The following ARHGAP5 variants were observed in gnomAD, a reference collection of about 807,000 sequenced individuals.
ARHGAP5 encodes the protein Rho GTPase activating protein 5.
ARHGAP5 carries 23 observed loss-of-function variants against 116.6 expected under a neutral mutation model. The observed-to-expected ratio is 0.20, with a 90% CI of 0.14 to 0.28. The LOEUF (loss-of-function observed/expected upper bound fraction) is 0.28. Ranked by LOEUF, ARHGAP5 falls within the 10% of genes least tolerant of loss-of-function variation. The pLI, the probability that ARHGAP5 is intolerant of heterozygous loss-of-function variation, is 1.00. For missense variants in ARHGAP5, 1,405 were observed against 1,774.8 expected, an observed-to-expected ratio of 0.79 and a Z score of 3.74; for synonymous variants, 574 against 602.0, an observed-to-expected ratio of 0.95 and a Z score of 0.68.
rs1461219040 is a variant in ARHGAP5, at chr14:32,159,533, T to C, written c.*4585T>C. ...CATCCAGATTAGTTTTAAGTGTGTA[T>C]ATGTATTTGCTCACCAGATCATTTT... On this transcript the variant is annotated 3_prime_UTR_variant, in exon 7 of 7. Transcript: ENST00000345122. The C allele has an allele frequency of 1.3e-5, 2 of 152,170 alleles. No homozygotes were observed. Among genetic ancestry groups the C allele is most frequent in the African/African-American group, 2.4e-5 (1 of 41,446 alleles). The allele number at this position is 152,170 out of a possible 1,614,324, so 9.4% of individuals were successfully genotyped here.
chr14:32,092,985 C>T lies in ARHGAP5; in HGVS notation c.2316C>T (p.Asp772=). The T allele has an allele frequency of 6.2e-7, 1 of 1,614,034 alleles. No homozygotes were observed. The highest frequency in any genetic ancestry group is 1.3e-5 in the African/African-American group (1 of 75,022). Residue 772 remains aspartate (D), a synonymous_variant, in exon 2 of 7, where the codon GAC becomes GAT. Coordinates refer to ENST00000345122, the MANE Select transcript of ARHGAP5 (RefSeq NM_001030055.2). The surrounding 1 kb of genome is among the most constrained non-coding windows in gnomAD (Gnocchi z 4.1). ...TGAGCCCAATTCCTGCCAATAAGGA[C>T]TTATCAGAAGCTGACTTGAGAATTG... The part of the protein sequence containing the change: ...DVVSPIPANK[D]LSEADLRIVM...
intron 3 of ARHGAP5, among the ~76,000 whole-genome samples, chr14:32,139,778 A>G (rs920048307): frequency 4.0e-5 from 6 of 150,432 alleles, no homozygotes; most frequent in African/African-American, 1.5e-4. Context: ...CTAGTTCCTT[A>G]AAGTTGGAAT....
chr14:32,150,649 C>T (rs578048104), intron 5 of ARHGAP5, among the ~76,000 whole-genome samples: 3 of 152,248 alleles, frequency 2.0e-5, no homozygotes, highest in African/African-American at 7.2e-5. Context: ...GAGATAACAG[C>T]GTTAATCTGT....
intron 2 of ARHGAP5, among the ~76,000 whole-genome samples, chr14:32,114,433 C>T (rs1879456423): frequency 6.6e-6 from 1 of 152,180 alleles, no homozygotes; most frequent in Admixed American, 6.5e-5. Context: ...ATAGTCTCTT[C>T]ATTTCCACTT....
rs1881991711 is a variant in ARHGAP5, at chr14:32,158,463, G to C, written c.*3515G>C. ...TGGAAATATTTTGAAAACTATTCTA[G>C]TTATAGCAGAGCTGCTAATATTAAC... is the stretch of plus-strand genomic sequence containing the variant. On this transcript the variant is annotated 3_prime_UTR_variant, in exon 7 of 7. Transcript: ENST00000345122. 6.6e-6 allele frequency: 1 copy of C among 151,934 alleles called. No individual in the cohort carries two copies. The allele number at this position is 151,934 out of a possible 1,614,324, so 9.4% of individuals were successfully genotyped here.
chr14:32,095,248 C>T (rs911713208), intron 2 of ARHGAP5, among the ~76,000 whole-genome samples: 2 of 151,892 alleles, frequency 1.3e-5, no homozygotes, highest in African/African-American at 2.4e-5. Context: ...TTAAAGGTGT[C>T]GATATTTTGA....
chr14:32,105,113 G>A (rs116247284), intron 2 of ARHGAP5, among the ~76,000 whole-genome samples: 500 of 152,260 alleles, frequency 3.3e-3, no homozygotes, highest in African/African-American at 9.9e-3. Context: ...TGGTGTAGGA[G>A]ACTATGTCTT....
rs1430454275 is a variant in ARHGAP5 at position 32,146,352 on chromosome 14, A to AT, written c.3943+14dup. Reference sequence around the variant, plus strand: ...GCAGTTTGATCAAGGTAAGAAGATGATTATGTGAAATAAAAATTGTTGTTT... The same window carrying AT: ...GCAGTTTGATCAAGGTAAGAAGATGATTTATGTGAAATAAAAATTGTTGTTT... On this transcript the variant is annotated intron_variant, in intron 4 of 6. Transcript: ENST00000345122. 6.4e-7 allele frequency: 1 copy of AT among 1,574,262 alleles called. No individual in the cohort carries two copies.
chr14:32,078,500 T>G (rs2138988954), intron 1 of ARHGAP5, among the ~76,000 whole-genome samples: 1 of 152,362 alleles, frequency 6.6e-6, no homozygotes, highest in Middle Eastern at 3.4e-3. Flanking sequence ...GATCATTTAT[T>G]TTTTCCTTTG....
Position 32,159,517 on chromosome 14 carries a change from T to C in ARHGAP5, c.*4569T>C, listed in dbSNP as rs1410241320. ...CATTGCTTCACTAATTCATCCAGAT[T>C]AGTTTTAAGTGTGTATATGTATTTG... On this transcript the variant is annotated 3_prime_UTR_variant, in exon 7 of 7. Coordinates refer to ENST00000345122, the MANE Select transcript of ARHGAP5 (RefSeq NM_001030055.2). 1 of 152,162 alleles carries C rather than the reference T, an allele frequency of 6.6e-6. No homozygotes were observed. The highest frequency in any genetic ancestry group is 1.5e-5 in the Non-Finnish European group (1 of 68,008). The allele number at this position is 152,162 out of a possible 1,614,324, so 9.4% of individuals were successfully genotyped here.
rs758926640 is a variant in ARHGAP5, at chr14:32,130,387, G to GTTT, written c.3865+13113_3865+13115dup. Reference sequence around the variant, plus strand: ...CTATCACACCAGGCTAATTTTTTGGGTTTTTTTTTTTTTTTAATAGAGAAG... The same window carrying GTTT: ...CTATCACACCAGGCTAATTTTTTGGGTTTTTTTTTTTTTTTTTTAATAGAGAAG... On this transcript the variant is annotated intron_variant, in intron 3 of 6. Coordinates refer to ENST00000345122, the MANE Select transcript of ARHGAP5 (RefSeq NM_001030055.2). Among the ~76,000 whole-genome samples, 17 of 132,886 alleles carry GTTT rather than the reference G, an allele frequency of 1.3e-4. No homozygotes were observed. In the South Asian group the frequency reaches 4.1e-3, roughly 32 times the overall value. 87.2% of individuals were successfully genotyped at this position (132,886 alleles called of 152,430 possible). A position where few individuals can be genotyped will look rare whatever the true frequency, so the allele number is the denominator to read the frequency against.
intron 4 of ARHGAP5, among the ~76,000 whole-genome samples, chr14:32,147,678 T>TG (rs527924965): frequency 2.0e-5 from 3 of 152,016 alleles, no homozygotes; most frequent in Non-Finnish European, 4.4e-5. Context: ...AAAGGGGTGT[T>TG]GGGGGGTACC....
At chr14:32,152,321 A>T in intron 5 of ARHGAP5, 102 bp from the exon 6 acceptor site, 1 of 812,494 alleles carries the variant, frequency 1.2e-6, no homozygotes, top group Non-Finnish European at 2.0e-6. Flanking sequence ...AATATGCTTT[A>T]AACACATTCT....
rs1878360424 is a variant in ARHGAP5, at chr14:32,093,337, G to A, written c.2668G>A (p.Asp890Asn). ...GGTGGCAGTTACTGACAGCCAAGCA[G>A]ATTTTTTTGAAAATGAGGCTATCAA... ...QLVAVTDSQA[D>N]FFENEAIKEL... The change falls in exon 2 of 7, where the codon GAT becomes AAT. Residue 890 changes from aspartate to asparagine, a missense_variant. Coordinates refer to ENST00000345122, the MANE Select transcript of ARHGAP5 (RefSeq NM_001030055.2). 1 of 1,613,866 alleles carries A rather than the reference G, an allele frequency of 6.2e-7. No individual in the cohort carries two copies. The highest frequency in any genetic ancestry group is 1.1e-5 in the South Asian group (1 of 91,066).
chr14:32,154,870 G>A lies in ARHGAP5; in HGVS notation c.4431G>A (p.Val1477=). Residue 1477 remains valine, a synonymous_variant, in exon 7 of 7, where the codon GTG becomes GTA. Coordinates refer to ENST00000345122, the MANE Select transcript of ARHGAP5 (RefSeq NM_001030055.2). The part of the protein sequence containing the change: ...SNPGQLVEPM[V]PLQLPPPLQP... ...CAGGACAGTTGGTGGAACCAATGGT[G>A]CCACTTCAGTTGCCGCCACCATTGC... The A allele has an allele frequency of 6.2e-7, 1 of 1,614,020 alleles. No homozygotes were observed. Among genetic ancestry groups the A allele is most frequent in the Middle Eastern group, 1.7e-4 (1 of 6,058 alleles).
intron 3 of ARHGAP5, among the ~76,000 whole-genome samples, chr14:32,140,405 C>A (rs1031139541): frequency 2.7e-4 from 40 of 150,292 alleles, no homozygotes; most frequent in African/African-American, 9.9e-4. Context: ...CACGGTGAAA[C>A]CCCGTCTCGA....
intron 4 of ARHGAP5, among the ~76,000 whole-genome samples, chr14:32,146,963 C>T (rs75207985): frequency 0.066 from 10,105 of 152,174 alleles, 545 homozygotes; most frequent in East Asian, 0.25. Context: ...TCCCAAATTT[C>T]GTATTCCTAA....
intron 2 of ARHGAP5, among the ~76,000 whole-genome samples, chr14:32,110,449 A>T (rs1026122603): frequency 2.6e-5 from 4 of 151,910 alleles, no homozygotes; most frequent in African/African-American, 9.7e-5. Context: ...ACAATTTTTA[A>T]TAGGGTGGTC....
intron 3 of ARHGAP5, among the ~76,000 whole-genome samples, chr14:32,139,023 CA>C (rs1450987003): frequency 6.6e-6 from 1 of 151,572 alleles, no homozygotes; most frequent in Non-Finnish European, 1.5e-5. Context: ...AATTGTTTTC[CA>C]TATTTCATAC....
Sources: gnomAD v4.1 joint callset for allele counts (sites outside exome capture counted in the v4.1 genomes callset) on GRCh38, gnomAD v4.1.1 for gene constraint, Gnocchi (gnomAD v3.1) non-coding constraint, MANE v1.5 for transcripts, NCBI Gene and HGNC (gene_info 2026-07-23, HGNC 2026-07-21) for gene names.